COL2A1: variants seen among roughly 807,000 people sequenced by gnomAD.
The protein encoded by COL2A1 is collagen alpha-1(II) chain.
A neutral mutation model predicts 204.5 loss-of-function variants in COL2A1; 28 were observed. The ratio of observed to expected loss-of-function variants is 0.14; its 90% CI spans 0.10 to 0.19. The LOEUF (loss-of-function observed/expected upper bound fraction) is 0.19. Among genes scored for constraint, COL2A1 ranks in the 10% least tolerant of loss-of-function variants. COL2A1 has a pLI of 1.00. For missense variants in COL2A1, 1,388 were observed against 2,027.5 expected (o/e 0.68, Z 6.06); for synonymous variants, 708 against 718.7 (o/e 0.99, Z 0.24).
At chr12:47,985,502 C>T (rs765987047) in intron 26 of COL2A1, 32 bp downstream of exon 26, 9 of 1,607,352 alleles carry the variant, frequency 5.6e-6, no homozygotes, top group Admixed American at 1.7e-5. Flanking sequence ...GATCCCCCCA[C>T]CCTCCTAGCA....
At chr12:47,998,282 G>A in intron 3 of COL2A1, 81 bp from the exon 4 acceptor site, 1 of 1,584,826 alleles carries the variant, frequency 6.3e-7, no homozygotes, top group Non-Finnish European at 8.7e-7. Flanking sequence ...CAGCCCCTGT[G>A]TTGAGGTACC....
rs1417332232 is a variant in COL2A1 at position 47,981,421 on chromosome 12, G to C, written c.2410-25C>G. Reference sequence around the variant, plus strand: ...CCTGAGGGTGGGGAAGGGAGGAAGAGCTGGGGTAAGAAGGTGGGGAGGCAG... The same window carrying C: ...CCTGAGGGTGGGGAAGGGAGGAAGACCTGGGGTAAGAAGGTGGGGAGGCAG... On this transcript the variant is annotated intron_variant, in intron 36 of 53. Coordinates refer to ENST00000380518, the MANE Select transcript of COL2A1 (RefSeq NM_001844.5). 3.7e-6 allele frequency: 6 copies of C among 1,601,784 alleles called. No individual in the cohort carries two copies. The East Asian group carries it at 6.7e-5, about 18-fold the overall frequency.
At chr12:47,983,005 A>G in intron 32 of COL2A1, 59 bp from the exon 33 acceptor site, 1 of 1,607,314 alleles carries the variant, frequency 6.2e-7, no homozygotes, top group Non-Finnish European at 8.5e-7. Context: ...AGGTCCAGGG[A>G]GAAGCAGGGA....
intron 44 of COL2A1, 87 bp downstream of exon 44, chr12:47,977,923 C>T: frequency 7.7e-7 from 1 of 1,295,042 alleles, no homozygotes; most frequent in South Asian, 1.2e-5. Flanking sequence ...AGGGCCCTGA[C>T]TGGGACTTGT....
intron 16 of COL2A1, among the ~76,000 whole-genome samples, chr12:47,990,493 C>G (rs1939653202): frequency 6.6e-6 from 1 of 152,180 alleles, no homozygotes; most frequent in African/African-American, 2.4e-5. Context: ...GAAGCGCTTT[C>G]AAGGCTTGGT....
At chr12:47,979,636 CGGGGGTGGT>C in intron 40 of COL2A1, 72 bp from the exon 41 acceptor site, 3 of 673,234 alleles carry the variant, frequency 4.5e-6, no homozygotes, top group East Asian at 3.0e-5. Context: ...GGGCGGGGGG[CGGGGGTGGT>C]CTCAGAGCCT....
intron 8 of COL2A1, 28 bp downstream of exon 8, chr12:47,996,520 G>A: frequency 6.3e-7 from 1 of 1,598,280 alleles, no homozygotes; most frequent in Admixed American, 1.7e-5. Context: ...TGCCATTTTG[G>A]CTGCAAAGAA....
rs56932369 is a variant in COL2A1, at chr12:47,975,104, G to A, written c.3886+213C>T. On this transcript the variant is annotated intron_variant, in intron 51 of 53. Transcript: ENST00000380518. ...CAGAAGCAGTGCCCAGCTGGTGGAT[G>A]GAGTCCACCCTGAGGTCACCTCGGC... 0.021 allele frequency among the ~76,000 whole-genome samples: 3,264 copies of A among 152,300 alleles called. 92 individuals are homozygous for A. Among genetic ancestry groups the A allele is most frequent in the African/African-American group, 0.063 (2,613 of 41,548 alleles).
chr12:48,003,030 T>C (rs762710327), intron 1 of COL2A1: 2 of 152,276 alleles, frequency 1.3e-5, no homozygotes, highest in African/African-American at 4.8e-5. Context: ...CCCTCTGCGA[T>C]TGATTTACAA....
intron 1 of COL2A1, among the ~76,000 whole-genome samples, chr12:48,001,473 G>T (rs1940228673): frequency 6.6e-6 from 1 of 152,250 alleles, no homozygotes; most frequent in Non-Finnish European, 1.5e-5. Flanking sequence ...TGAGGAAGGT[G>T]TGGGAGAGGG....
chr12:47,977,519 A>G, intron 45 of COL2A1, 81 bp downstream of exon 45: 3 of 1,597,234 alleles, frequency 1.9e-6, no homozygotes, highest in Non-Finnish European at 2.6e-6. Flanking sequence ...ACTTGTTCCA[A>G]CCTGCCACCC....
intron 29 of COL2A1, 88 bp downstream of exon 29, chr12:47,983,999 C>A: frequency 8.2e-7 from 1 of 1,218,396 alleles, no homozygotes; most frequent in South Asian, 1.3e-5. Flanking sequence ...TCACATCTGT[C>A]AGCTCCATTA....
intron 12 of COL2A1, among the ~76,000 whole-genome samples, 155 bp from the exon 13 acceptor site, chr12:47,994,202 C>T (rs1008369987): frequency 6.6e-6 from 1 of 152,328 alleles, no homozygotes; most frequent in Admixed American, 6.5e-5. Context: ...CCAGACCACC[C>T]CTCCCCGTAC....
chr12:47,995,206 G>T, intron 11 of COL2A1, 49 bp downstream of exon 11: 1 of 1,518,686 alleles, frequency 6.6e-7, no homozygotes, highest in Non-Finnish European at 9.1e-7. Context: ...CCCTCTCCAG[G>T]CCCTTTCAAA....
intron 51 of COL2A1, 101 bp from the exon 52 acceptor site, chr12:47,974,963 G>C: frequency 8.0e-7 from 1 of 1,247,930 alleles, no homozygotes; most frequent in Non-Finnish European, 1.1e-6. Flanking sequence ...AGGCCTACAG[G>C]GACAAGGGAT....
chr12:47,987,576 C>T lies in COL2A1; in HGVS notation c.1221+35G>A. ...TCAAGAGTTCCAAAGCCACAGACCC[C>T]AGACCCCCCCAGGCCAAAGAGAAGC... On this transcript the variant is annotated intron_variant, in intron 19 of 53. Transcript: ENST00000380518. The surrounding 1 kb of genome is among the most constrained non-coding windows in gnomAD (Gnocchi z 4.1). 3 of 1,564,032 alleles carry T rather than the reference C, an allele frequency of 1.9e-6. No individual in the cohort carries two copies. Among genetic ancestry groups the T allele is most frequent in the Non-Finnish European group, 2.6e-6 (3 of 1,141,840 alleles).
rs1273496827 is a variant in COL2A1 at position 47,980,941 on chromosome 12, C to CG, written c.2490dup (p.Gly831ArgfsTer12). The CG allele has an allele frequency of 6.4e-7, 1 of 1,552,380 alleles. No homozygotes were observed. On this transcript the variant is annotated frameshift_variant, in exon 38 of 54. Transcript: ENST00000380518. LOFTEE classifies it high-confidence loss of function. This position sits in a 1 kb window ranked among gnomAD's most constrained non-coding sequence, Gnocchi z 4.5. Reference sequence around the variant, plus strand: ...GGAGGCCCAGCAAATCCCGCTGGTCCGGGGGGCCCAGTCTCTCCACGTTCA... The same window carrying CG: ...GGAGGCCCAGCAAATCCCGCTGGTCCGGGGGGGCCCAGTCTCTCCACGTTCA...
intron 2 of COL2A1, among the ~76,000 whole-genome samples, chr12:47,999,482 C>T (rs903553228): frequency 1.3e-5 from 2 of 152,178 alleles, no homozygotes; most frequent in Non-Finnish European, 2.9e-5. Context: ...GCTGGCAGAG[C>T]TTTCTCCACA....
At position 47,976,381 on chromosome 12, in the gene COL2A1, C is replaced by T. The variant is rs1175405053; in HGVS notation, c.3489+133G>A. The T allele has an allele frequency of 3.9e-6, 4 of 1,019,136 alleles. No individual in the cohort carries two copies. The African/African-American group carries it at 4.8e-5, about 12-fold the overall frequency. 63.1% of individuals were successfully genotyped at this position (1,019,136 alleles called of 1,614,324 possible). The stretch of plus-strand genomic sequence containing the variant: ...TCTGGCCATAGGCACATGAGCCAGT[C>T]CTGCCCCCATTACTGAGTGAGGACC... On this transcript the variant is annotated intron_variant, in intron 49 of 53. Transcript: ENST00000380518. The surrounding 1 kb of genome is among the most constrained non-coding windows in gnomAD (Gnocchi z 4.3).
Sources: gnomAD v4.1 joint callset for allele counts (sites outside exome capture counted in the v4.1 genomes callset) on GRCh38, gnomAD v4.1.1 for gene constraint, Gnocchi (gnomAD v3.1) non-coding constraint, MANE v1.5 for transcripts, NCBI Gene and HGNC (gene_info 2026-07-23, HGNC 2026-07-21) for gene names.